Variants in ABLIM3 observed in about 807,000 individuals in gnomAD.
The protein encoded by ABLIM3 is actin binding LIM protein family member 3.
A neutral mutation model predicts 109.5 loss-of-function variants in ABLIM3; 61 were observed. The ratio of observed to expected loss-of-function variants is 0.56; its 90% CI spans 0.45 to 0.69. The LOEUF is 0.69. ABLIM3 is among the 30% of genes least tolerant of loss of function. The pLI is 0.00. For missense variants in ABLIM3, 796 were observed against 889.5 expected, an observed-to-expected ratio of 0.89 and a Z score of 1.34; for synonymous variants, 300 against 324.8, an observed-to-expected ratio of 0.92 and a Z score of 0.82.
chr5:149,193,138 C>T (rs1757654747), intron 3 of ABLIM3, among the ~76,000 whole-genome samples: 1 of 152,072 alleles, frequency 6.6e-6, no homozygotes, highest in Non-Finnish European at 1.5e-5. Flanking sequence ...AATTGGAAAA[C>T]TTGAACACAC....
Position 149,217,040 on chromosome 5 carries a change from C to T in ABLIM3, c.751C>T (p.Leu251Phe). The T allele has an allele frequency of 6.2e-7, 1 of 1,614,136 alleles. No individual in the cohort carries two copies. Among genetic ancestry groups the T allele is most frequent in the Non-Finnish European group, 8.5e-7 (1 of 1,180,000 alleles). Residue 251 changes from leucine to phenylalanine, a missense_variant, in exon 8 of 24, where the codon CTC (leucine) becomes TTC (phenylalanine). By Grantham distance (22) the Leu-to-Phe change is conservative (BLOSUM62 0). Coordinates refer to ENST00000309868, the MANE Select transcript of ABLIM3 (RefSeq NM_014945.5). Reference protein sequence around the residue: ...QMFTEGEEMYLTGSEVWHPIC... With the variant: ...QMFTEGEEMYFTGSEVWHPIC... ...GTTCACCGAAGGAGAGGAAATGTAC[C>T]TCACAGGTAAGTAAATCTGACCCTC...
rs190248538 is a variant in ABLIM3 at position 149,259,016 on chromosome 5, C to T, written c.*612C>T. 9.0e-3 allele frequency: 9,036 copies of T among 999,738 alleles called. 41 individuals carry two copies. The highest frequency in any genetic ancestry group is 0.019 in the Middle Eastern group (36 of 1,942). 61.9% of individuals were successfully genotyped at this position (999,738 alleles called of 1,614,324 possible). ...TAGGCCTCTCCTCAGCTCCTTAACC[C>T]TCCTCCTTCTGCCCTGGATTGTAAC... On this transcript the variant is annotated 3_prime_UTR_variant, in exon 24 of 24. Coordinates refer to ENST00000309868, the MANE Select transcript of ABLIM3 (RefSeq NM_014945.5).
rs1337936751 is a variant in ABLIM3 at position 149,233,220 on chromosome 5, C to T, written c.817-9C>T. 1 of 1,614,026 alleles carries T rather than the reference C, an allele frequency of 6.2e-7. No homozygotes were observed. The highest frequency in any genetic ancestry group is 8.5e-7 in the Non-Finnish European group (1 of 1,179,978). ...CTTCTCACCTTTTCTGTCTTCATCTCTCTCACAGCATAGACGGACATCTGA... is the reference window on the plus strand; with the variant it reads ...CTTCTCACCTTTTCTGTCTTCATCTTTCTCACAGCATAGACGGACATCTGA... On this transcript the variant is annotated splice_polypyrimidine_tract_variant and intron_variant, in intron 9 of 23. Coordinates refer to ENST00000309868, the MANE Select transcript of ABLIM3 (RefSeq NM_014945.5).
intron 9 of ABLIM3, among the ~76,000 whole-genome samples, chr5:149,232,177 G>C (rs369672737): frequency 2.0e-5 from 3 of 152,126 alleles, no homozygotes; most frequent in African/African-American, 7.2e-5. Context: ...GTGGTGGCAC[G>C]TGCCTGTAAT....
At chr5:149,245,222 A>G (rs569096876) in intron 16 of ABLIM3, among the ~76,000 whole-genome samples, 100 of 152,366 alleles carry the variant, frequency 6.6e-4, no homozygotes, top group African/African-American at 2.3e-3. Flanking sequence ...AAAACAGACC[A>G]GGTCCCTGCC....
intron 2 of ABLIM3, among the ~76,000 whole-genome samples, chr5:149,167,485 T>C (rs907169046): frequency 3.3e-5 from 5 of 152,214 alleles, no homozygotes; most frequent in Non-Finnish European, 7.3e-5. Context: ...TATGCTTTTC[T>C]TACCCTACAA....
At chr5:149,189,621 G>T (rs1218498134) in intron 3 of ABLIM3, among the ~76,000 whole-genome samples, 1 of 152,130 alleles carries the variant, frequency 6.6e-6, no homozygotes, top group Middle Eastern at 3.2e-3. Context: ...GACATCATTA[G>T]CCATCAAAGA....
At chr5:149,238,165 C>T (rs1752424468) in intron 11 of ABLIM3, among the ~76,000 whole-genome samples, 1 of 152,148 alleles carries the variant, frequency 6.6e-6, no homozygotes, top group Non-Finnish European at 1.5e-5. Flanking sequence ...CTTTTGAAAT[C>T]ATTAAATGGT....
At chr5:149,258,054 G>A (rs912391205) in intron 23 of ABLIM3, among the ~76,000 whole-genome samples, 5 of 152,094 alleles carry the variant, frequency 3.3e-5, no homozygotes, top group African/African-American at 1.2e-4. Flanking sequence ...CATAGGCAGG[G>A]GAGGCCTCTT....
chr5:149,208,749 C>A (rs17109773), intron 6 of ABLIM3, among the ~76,000 whole-genome samples: 1 of 152,062 alleles, frequency 6.6e-6, no homozygotes, highest in South Asian at 2.1e-4. Flanking sequence ...GAAATCCAGG[C>A]GAGGTACTAT....
intron 2 of ABLIM3, among the ~76,000 whole-genome samples, chr5:149,144,872 A>T (rs1561527127): frequency 1.3e-5 from 2 of 152,326 alleles, no homozygotes; most frequent in East Asian, 1.9e-4. Flanking sequence ...ACACATGGGG[A>T]TTGGTAAAAC....
chr5:149,193,489 G>C (rs1026566634), intron 3 of ABLIM3, among the ~76,000 whole-genome samples: 8 of 151,964 alleles, frequency 5.3e-5, no homozygotes, highest in Non-Finnish European at 1.0e-4. Flanking sequence ...TTTTTAATAT[G>C]CTAAATTCTC....
chr5:149,179,810 G>A (rs1756301035), intron 2 of ABLIM3, among the ~76,000 whole-genome samples: 1 of 152,110 alleles, frequency 6.6e-6, no homozygotes, highest in African/African-American at 2.4e-5. Flanking sequence ...TTAAAATTAA[G>A]TTCCTCAGTC....
At chr5:149,225,935 A>G in intron 8 of ABLIM3, among the ~76,000 whole-genome samples, 1 of 141,426 alleles carries the variant, frequency 7.1e-6, no homozygotes, top group Admixed American at 7.0e-5. Flanking sequence ...ATATATATAT[A>G]TATATGTATG....
At chr5:149,192,789 A>G (rs542905917) in intron 3 of ABLIM3, among the ~76,000 whole-genome samples, 25 of 145,386 alleles carry the variant, frequency 1.7e-4, no homozygotes, top group African/African-American at 6.8e-4. Flanking sequence ...CCCAAATCAT[A>G]GAAGTGCAGA....
At chr5:149,247,508 T>C in intron 17 of ABLIM3, 2 of 608,344 alleles carry the variant, frequency 3.3e-6, no homozygotes, top group African/African-American at 1.8e-5. Context: ...GTTGAATCAA[T>C]CACTGTGCCA....
chr5:149,225,823 G>A (rs1045188113), intron 8 of ABLIM3, among the ~76,000 whole-genome samples: 1 of 151,434 alleles, frequency 6.6e-6, no homozygotes, highest in African/African-American at 2.4e-5. Flanking sequence ...TTCCATTCCC[G>A]AGTTACTTTA....
At position 149,260,530 on chromosome 5, in the gene ABLIM3, C is replaced by G. The variant is rs926995666; in HGVS notation, c.*2126C>G. 6.6e-6 allele frequency: 1 copy of G among 152,392 alleles called. No homozygotes were observed. Among genetic ancestry groups the G allele is most frequent in the African/African-American group, 2.4e-5 (1 of 41,350 alleles). 9.4% of individuals were successfully genotyped at this position (152,392 alleles called of 1,614,324 possible). A position where few individuals can be genotyped will look rare whatever the true frequency, so the allele number is the denominator to read the frequency against. Reference sequence around the variant, plus strand: ...TGCACATTTTTCAAAATGAAAGCACCAAAACAGCAGCCACTCCTTTGGCCT... The same window carrying G: ...TGCACATTTTTCAAAATGAAAGCACGAAAACAGCAGCCACTCCTTTGGCCT... On this transcript the variant is annotated 3_prime_UTR_variant, in exon 24 of 24. Coordinates refer to ENST00000309868, the MANE Select transcript of ABLIM3 (RefSeq NM_014945.5).
rs1176628922 is a variant in ABLIM3, at chr5:149,259,477, T to C, written c.*1073T>C. ...TGGTCTATGCCTCTGGTCTGTGGGC[T>C]GGCAGGGCAACCATACCATACCCCC... On this transcript the variant is annotated 3_prime_UTR_variant, in exon 24 of 24. Coordinates refer to ENST00000309868, the MANE Select transcript of ABLIM3 (RefSeq NM_014945.5). The C allele has an allele frequency of 1.2e-5, 18 of 1,535,962 alleles. No individual in the cohort carries two copies. Among genetic ancestry groups the C allele is most frequent in the Non-Finnish European group, 1.5e-5 (17 of 1,146,862 alleles).
Sources: gnomAD v4.1 joint callset for allele counts (sites outside exome capture counted in the v4.1 genomes callset) on GRCh38, gnomAD v4.1.1 for gene constraint, MANE v1.5 for transcripts, NCBI Gene and HGNC (gene_info 2026-07-23, HGNC 2026-07-21) for gene names.